Variants in LHFPL3 observed in about 807,000 individuals in gnomAD.
The protein encoded by LHFPL3 is LHFPL tetraspan subfamily member 3, also known as LHFPL tetraspan subfamily member 3 protein.
LHFPL3 carries 5 observed loss-of-function variants against 19.3 expected under a neutral mutation model. The observed-to-expected ratio is 0.26, with a 90% CI of 0.14 to 0.54. The LOEUF is 0.54. Among genes scored for constraint, LHFPL3 ranks in the 20% least tolerant of loss-of-function variants. The pLI is 0.94. For synonymous variants in LHFPL3, 133 were observed against 126.2 expected, an observed-to-expected ratio of 1.05 and a Z score of -0.36; for missense variants, 249 against 307.4, an observed-to-expected ratio of 0.81 and a Z score of 1.42.
intron 1 of LHFPL3, among the ~76,000 whole-genome samples, chr7:104,463,144 C>A (rs148991535): frequency 1.8e-3 from 275 of 152,224 alleles, no homozygotes; most frequent in South Asian, 4.1e-3. Flanking sequence ...CTTTATTAGT[C>A]TAGCTAGCAG....
chr7:104,667,084 T>C (rs531947724), intron 1 of LHFPL3, among the ~76,000 whole-genome samples: 15 of 152,332 alleles, frequency 9.8e-5, no homozygotes, highest in African/African-American at 3.1e-4. Flanking sequence ...TTTTCCATAA[T>C]AGCTGTACCA....
intron 1 of LHFPL3, among the ~76,000 whole-genome samples, chr7:104,478,380 T>G (rs1793067402): frequency 6.6e-6 from 1 of 152,010 alleles, no homozygotes; most frequent in South Asian, 2.1e-4. Context: ...GCCATGGACT[T>G]TGGGGGCTCT....
intron 2 of LHFPL3, among the ~76,000 whole-genome samples, chr7:104,742,788 A>C (rs1793959344): frequency 6.6e-6 from 1 of 152,226 alleles, no homozygotes. Context: ...TCCTGCCTTC[A>C]TATCAGTGAG....
At chr7:104,517,946 C>T (rs1310654704) in intron 1 of LHFPL3, among the ~76,000 whole-genome samples, 1 of 152,020 alleles carries the variant, frequency 6.6e-6, no homozygotes, top group Admixed American at 6.6e-5. Flanking sequence ...AGCAAGCCAC[C>T]ATGGCACGTG....
At chr7:104,649,880 T>G (rs769824204) in intron 1 of LHFPL3, among the ~76,000 whole-genome samples, 2 of 152,206 alleles carry the variant, frequency 1.3e-5, no homozygotes, top group East Asian at 3.9e-4. Flanking sequence ...GTCAGTTGTT[T>G]ACATTGACAG....
intron 1 of LHFPL3, among the ~76,000 whole-genome samples, chr7:104,645,104 C>T (rs1042595841): frequency 6.6e-6 from 1 of 152,162 alleles, no homozygotes; most frequent in African/African-American, 2.4e-5. Context: ...TTCTTCATAT[C>T]GCTTTGCCTG....
chr7:104,641,800 T>C (rs1383056948), intron 1 of LHFPL3, among the ~76,000 whole-genome samples: 1 of 152,188 alleles, frequency 6.6e-6, no homozygotes. Context: ...TTCGGTTCTA[T>C]CAGAACTTCA....
At chr7:104,711,417 T>G (rs112195327) in intron 1 of LHFPL3, among the ~76,000 whole-genome samples, 2 of 152,186 alleles carry the variant, frequency 1.3e-5, no homozygotes, top group African/African-American at 4.8e-5. Context: ...ACAGAATCAC[T>G]AATGGGAATG....
intron 1 of LHFPL3, among the ~76,000 whole-genome samples, chr7:104,680,856 T>G (rs1025927899): frequency 6.6e-6 from 1 of 152,086 alleles, no homozygotes; most frequent in Non-Finnish European, 1.5e-5. Context: ...TACTTAAGGA[T>G]AAAAACACTG....
chr7:104,596,884 G>A (rs192488417), intron 1 of LHFPL3, among the ~76,000 whole-genome samples: 282 of 152,282 alleles, frequency 1.9e-3, no homozygotes, highest in Non-Finnish European at 3.2e-3. Flanking sequence ...GTGACCATGA[G>A]CTCATTTAGG....
At chr7:104,668,398 A>G in intron 1 of LHFPL3, 2 of 1,597,086 alleles carry the variant, frequency 1.3e-6, no homozygotes, top group Non-Finnish European at 1.7e-6. Context: ...AGAAGAGGTG[A>G]TGATAGCTTT....
At chr7:104,707,608 C>T (rs1443772926) in intron 1 of LHFPL3, among the ~76,000 whole-genome samples, 1 of 152,134 alleles carries the variant, frequency 6.6e-6, no homozygotes. Flanking sequence ...CCCTCTGACA[C>T]GTGAGGAGTT....
At position 104,565,761 on chromosome 7, in the gene LHFPL3, ATCTATCTATCTAATCT is replaced by A. The variant is rs1419666391; in HGVS notation, c.446-170913_446-170898del. Among the ~76,000 whole-genome samples, 438 of 143,726 alleles carry A rather than the reference ATCTATCTATCTAATCT, an allele frequency of 3.0e-3. 2 individuals carry two copies. Among genetic ancestry groups the A allele is most frequent in the African/African-American group, 0.011 (416 of 37,228 alleles). The allele number at this position is 143,726 out of a possible 152,430, so 94.3% of individuals were successfully genotyped here. On this transcript the variant is annotated intron_variant, in intron 1 of 2. Transcript: ENST00000424859. ...TATCTATCTATCTATCTATCTATCT[ATCTATCTATCTAATCT>A]ATCTATCTGTCTAATCTATCTATCA...
intron 1 of LHFPL3, among the ~76,000 whole-genome samples, chr7:104,699,753 T>A (rs1793065998): frequency 6.6e-6 from 1 of 152,184 alleles, no homozygotes; most frequent in Admixed American, 6.5e-5. Context: ...TTCCCCAGCA[T>A]CCCCTCGCAG....
intron 1 of LHFPL3, among the ~76,000 whole-genome samples, chr7:104,505,019 CTG>C (rs1793669855): frequency 1.3e-5 from 2 of 152,082 alleles, no homozygotes; most frequent in South Asian, 4.1e-4. Flanking sequence ...CATGCATATA[CTG>C]TGTATACACA....
At chr7:104,761,588 A>G (rs367858968) in intron 2 of LHFPL3, among the ~76,000 whole-genome samples, 2 of 152,172 alleles carry the variant, frequency 1.3e-5, no homozygotes, top group East Asian at 3.9e-4. Context: ...AGGCTAGGGT[A>G]GAAAAAGGGA....
intron 1 of LHFPL3, among the ~76,000 whole-genome samples, chr7:104,732,288 C>G (rs1047219233): frequency 1.3e-5 from 2 of 152,162 alleles, no homozygotes; most frequent in Non-Finnish European, 2.9e-5. Context: ...GGAATAGTTT[C>G]GGAAGGCTTG....
intron 1 of LHFPL3, among the ~76,000 whole-genome samples, chr7:104,552,411 A>T (rs1794678976): frequency 6.6e-6 from 1 of 152,108 alleles, no homozygotes; most frequent in African/African-American, 2.4e-5. Context: ...AGCTCAGTGG[A>T]TTTGCAAGGA....
rs190204356 is a variant in LHFPL3 at position 104,592,535 on chromosome 7, G to T, written c.446-144140G>T. Among the ~76,000 whole-genome samples the T allele has an allele frequency of 4.6e-5, 7 of 152,302 alleles. No homozygotes were observed. The East Asian group carries it at 1.3e-3, about 29-fold the overall frequency. ...GGCCCCTACTGGGAAGTATCTCCCA[G>T]TTAGGCCACTGGGGGATCAGGGACC... On this transcript the variant is annotated intron_variant, in intron 1 of 2. Transcript: ENST00000424859.
Sources: gnomAD v4.1 joint callset for allele counts (sites outside exome capture counted in the v4.1 genomes callset) on GRCh38, gnomAD v4.1.1 for gene constraint, MANE v1.5 for transcripts, NCBI Gene and HGNC (gene_info 2026-07-23, HGNC 2026-07-21) for gene names.